DAPK2: variants seen among roughly 807,000 people sequenced by gnomAD.
DAPK2 encodes death associated protein kinase 2.
A neutral mutation model predicts 44.1 loss-of-function variants in DAPK2; 35 were observed. The ratio of observed to expected loss-of-function variants is 0.79; its 90% confidence interval spans 0.61 to 1.05. The LOEUF (loss-of-function observed/expected upper bound fraction) is 1.05, where lower values mean the gene tolerates loss of function less well. Ranked by LOEUF, DAPK2 falls within the 50% of genes least tolerant of loss-of-function variation. The probability of loss-of-function intolerance (pLI) is 0.00; values close to 1 mark genes in which losing one functional copy is unlikely to be tolerated. For missense variants in DAPK2, 453 were observed against 483.2 expected (o/e 0.94, Z 0.59); for synonymous variants, 174 against 182.6 (o/e 0.95, Z 0.38).
At chr15:63,988,904 G>A (rs534130512) in intron 1 of DAPK2, among the ~76,000 whole-genome samples, 1 of 151,876 alleles carries the variant, frequency 6.6e-6, no homozygotes, top group East Asian at 1.9e-4. Flanking sequence ...AACTGGAGAG[G>A]TATGGTGGCT....
chr15:63,956,803 G>T (rs1036206241), intron 3 of DAPK2, among the ~76,000 whole-genome samples: 1 of 152,016 alleles, frequency 6.6e-6, no homozygotes, highest in Non-Finnish European at 1.5e-5. Context: ...TAGCCAGAAC[G>T]GTCTCAATCT....
chr15:63,979,791 TG>T (rs2078452606), intron 2 of DAPK2, among the ~76,000 whole-genome samples: 1 of 151,998 alleles, frequency 6.6e-6, no homozygotes, highest in African/African-American at 2.4e-5. Context: ...GGGCACATAC[TG>T]GTAGTCCCAG....
At chr15:64,044,066 T>C (rs1189949422), upstream of DAPK2, among the ~76,000 whole-genome samples, 1 of 152,152 alleles carries the variant, frequency 6.6e-6, no homozygotes, top group Non-Finnish European at 1.5e-5. Flanking sequence ...GAAACTGAAG[T>C]GGAATTATAG....
intron 2 of DAPK2, among the ~76,000 whole-genome samples, chr15:63,981,068 C>T (rs568978205): frequency 2.9e-5 from 4 of 136,214 alleles, no homozygotes; most frequent in African/African-American, 8.1e-5. Context: ...CTAGCCTAGA[C>T]GACAGAGCGA....
chr15:63,925,422 C>G (rs2079214672), intron 7 of DAPK2, among the ~76,000 whole-genome samples: 1 of 152,038 alleles, frequency 6.6e-6, no homozygotes, highest in Admixed American at 6.6e-5. Context: ...GTACCCAGCG[C>G]CCTGCAATTC....
At chr15:64,021,135 C>T (rs2079669930) in intron 1 of DAPK2, among the ~76,000 whole-genome samples, 1 of 152,148 alleles carries the variant, frequency 6.6e-6, no homozygotes, top group African/African-American at 2.4e-5. Context: ...GAGATCAGAC[C>T]CTACCCACAA....
chr15:64,000,624 A>T (rs2079060498), intron 1 of DAPK2, among the ~76,000 whole-genome samples: 2 of 152,182 alleles, frequency 1.3e-5, no homozygotes, highest in Non-Finnish European at 2.9e-5. Context: ...CAGGGGGAAA[A>T]AAATGAAATT....
intron 1 of DAPK2, among the ~76,000 whole-genome samples, chr15:64,011,768 C>G (rs2079396266): frequency 6.6e-6 from 1 of 152,170 alleles, no homozygotes; most frequent in South Asian, 2.1e-4. Flanking sequence ...CCACATTGGA[C>G]AATGCAGCTC....
chr15:63,943,046 T>C (rs1356648675), intron 3 of DAPK2, among the ~76,000 whole-genome samples: 1 of 151,284 alleles, frequency 6.6e-6, no homozygotes, highest in Non-Finnish European at 1.5e-5. Flanking sequence ...TAAGCAAACA[T>C]GCGACATACT....
rs542553524 is a variant in DAPK2, at chr15:63,937,907, T to C, written c.583+1325A>G. Among the ~76,000 whole-genome samples, 221 of 152,358 alleles carry C rather than the reference T, an allele frequency of 1.5e-3. 1 individual carries two copies. Among genetic ancestry groups the C allele is most frequent in the Middle Eastern group, 0.01 (3 of 294 alleles). ...TAGATGTCTGTGCCCCAGGTTTAAGTTGGCTCTGCCACCAACTTGTGACCT... is the reference window on the plus strand; with the variant it reads ...TAGATGTCTGTGCCCCAGGTTTAAGCTGGCTCTGCCACCAACTTGTGACCT... On this transcript the variant is annotated intron_variant, in intron 4 of 10. Coordinates refer to ENST00000261891, the Ensembl canonical transcript of DAPK2.
chr15:64,036,344 T>TATAC (rs2080210227), intron 1 of DAPK2, among the ~76,000 whole-genome samples: 1 of 135,088 alleles, frequency 7.4e-6, no homozygotes, highest in Non-Finnish European at 1.6e-5. Context: ...TATACATATA[T>TATAC]ATATATATAT....
In DAPK2 at chr15:64,046,260, C is replaced by T. The variant is rs1420753660; in HGVS notation, c.-7+38G>A. The T allele has an allele frequency of 7.5e-6, 7 of 934,340 alleles. 1 individual carries two copies. The East Asian group carries it at 8.2e-4, about 109-fold the overall frequency. The allele number at this position is 934,340 out of a possible 1,614,324, so 57.9% of individuals were successfully genotyped here. A position where few individuals can be genotyped will look rare whatever the true frequency, so the allele number is the denominator to read the frequency against. ...GCTGCTGCCGTCAGGCCGCGCGCCC[C>T]GTCCCGCCCATCGAGCCCGCAGACG... On this transcript the variant is annotated intron_variant, in intron 1 of 11. Coordinates refer to the DAPK2 transcript ENST00000457488. This position sits in a 1 kb window ranked among gnomAD's most constrained non-coding sequence, Gnocchi z 5.3.
intron 3 of DAPK2, among the ~76,000 whole-genome samples, chr15:63,953,884 C>T (rs1370441153): frequency 6.6e-6 from 1 of 152,138 alleles, no homozygotes; most frequent in Non-Finnish European, 1.5e-5. Flanking sequence ...TGTTGAGCAC[C>T]TTTTCATACA....
At chr15:64,002,622 T>C (rs908450410) in intron 1 of DAPK2, among the ~76,000 whole-genome samples, 9 of 152,210 alleles carry the variant, frequency 5.9e-5, no homozygotes, top group East Asian at 1.9e-4. Flanking sequence ...CAGGCTTCTA[T>C]GAGGCTCACA....
chr15:63,964,319 A>G (rs1380551311), intron 3 of DAPK2, among the ~76,000 whole-genome samples: 1 of 152,168 alleles, frequency 6.6e-6, no homozygotes, highest in Non-Finnish European at 1.5e-5. Context: ...GCTGCCAGAC[A>G]TATTGGAGTT....
At chr15:63,957,228 A>G (rs1193049456) in intron 3 of DAPK2, among the ~76,000 whole-genome samples, 51 of 152,188 alleles carry the variant, frequency 3.4e-4, no homozygotes, top group Admixed American at 3.3e-3. Flanking sequence ...ATGTAAATAT[A>G]GCTACTCCTG....
At chr15:63,910,924 A>C (rs1339450731) in intron 10 of DAPK2, 1 of 152,270 alleles carries the variant, frequency 6.6e-6, no homozygotes, top group Non-Finnish European at 1.5e-5. Flanking sequence ...AGGCTTTAAG[A>C]ATATGTCATT....
chr15:63,955,997 G>A (rs182804356), intron 3 of DAPK2, among the ~76,000 whole-genome samples: 1 of 152,250 alleles, frequency 6.6e-6, no homozygotes, highest in South Asian at 2.1e-4. Flanking sequence ...TGCAGGTTTT[G>A]GATTTCTTCA....
chr15:64,045,270 G>T (rs942910335), intron 1 of DAPK2, among the ~76,000 whole-genome samples: 9 of 152,190 alleles, frequency 5.9e-5, no homozygotes, highest in African/African-American at 2.2e-4. Flanking sequence ...ATCATCAGTG[G>T]TGCCACTTGA....
Sources: allele counts gnomAD v4.1 joint callset (sites outside exome capture counted in the v4.1 genomes callset), GRCh38; gene constraint gnomAD v4.1.1; non-coding constraint Gnocchi (gnomAD v3.1); transcripts MANE v1.5; gene names NCBI Gene and HGNC (gene_info 2026-07-23, HGNC 2026-07-21).